FAM120B: variants seen among roughly 807,000 people sequenced by gnomAD.
FAM120B encodes the protein constitutive coactivator of peroxisome proliferator-activated receptor gamma.
In FAM120B, 83 loss-of-function variants were observed where a neutral mutation model predicts 96.3. The ratio of observed to expected loss-of-function variants is 0.86; its 90% CI spans 0.72 to 1.03. The LOEUF (loss-of-function observed/expected upper bound fraction) is 1.03, where lower values mean the gene tolerates loss of function less well. Ranked by LOEUF, FAM120B falls within the 50% of genes least tolerant of loss-of-function variation. The pLI is 0.00. For missense variants in FAM120B, 1,027 were observed against 1,121.2 expected (o/e 0.92, Z 1.20); for synonymous variants, 407 against 402.7 (o/e 1.01, Z -0.13).
chr6:170,334,885 T>C (rs1455557879), intron 4 of FAM120B, among the ~76,000 whole-genome samples: 1 of 152,176 alleles, frequency 6.6e-6, no homozygotes, highest in Non-Finnish European at 1.5e-5. Context: ...AGAAAACTTA[T>C]CCATGTAAGT....
chr6:170,331,091 G>GA (rs1014190342), intron 4 of FAM120B, among the ~76,000 whole-genome samples: 2 of 152,164 alleles, frequency 1.3e-5, no homozygotes, highest in African/African-American at 4.8e-5. Flanking sequence ...GAGAGGTAAG[G>GA]AAAAACAAAG....
At chr6:170,302,905 A>G (rs1425453719), upstream of FAM120B, among the ~76,000 whole-genome samples, 1 of 152,188 alleles carries the variant, frequency 6.6e-6, no homozygotes, top group Non-Finnish European at 1.5e-5. Flanking sequence ...GTAGTCTCCC[A>G]GGAAAGAGAC....
intron 8 of FAM120B, 180 bp downstream of exon 8, chr6:170,391,301 G>A (rs1337269942): frequency 3.8e-5 from 21 of 546,720 alleles, no homozygotes; most frequent in South Asian, 9.9e-5. Context: ...TTGGGAGGCC[G>A]AGGCAGGCAG....
chr6:170,387,491 C>T lies in FAM120B; in HGVS notation c.2284-796C>T, dbSNP rs12198099. 5.0e-3 allele frequency among the ~76,000 whole-genome samples: 766 copies of T among 151,942 alleles called. 3 individuals carry two copies. Among genetic ancestry groups the T allele is most frequent in the Non-Finnish European group, 8.2e-3 (559 of 68,022 alleles). On this transcript the variant is annotated intron_variant, in intron 6 of 10. Transcript: ENST00000476287. ...ACTCGCTAGATATCGGTATCACTTT[C>T]CATGGGGCCAGTGTCAGCCAGGAGG...
At chr6:170,369,050 A>G (rs915412175) in intron 6 of FAM120B, among the ~76,000 whole-genome samples, 1 of 151,980 alleles carries the variant, frequency 6.6e-6, no homozygotes, top group African/African-American at 2.4e-5. Flanking sequence ...TGCCCGTAGC[A>G]GTAGAAATAG....
chr6:170,354,719 C>T (rs1787786967), intron 5 of FAM120B, among the ~76,000 whole-genome samples: 1 of 151,144 alleles, frequency 6.6e-6, no homozygotes, highest in Non-Finnish European at 1.5e-5. Flanking sequence ...GTCAGGAGAT[C>T]AAGACCATCC....
intron 6 of FAM120B, among the ~76,000 whole-genome samples, chr6:170,383,960 C>T (rs912504604): frequency 2.4e-4 from 36 of 152,262 alleles, no homozygotes; most frequent in African/African-American, 7.0e-4. Context: ...GAGTGGCTGG[C>T]GCTTGGTGAG....
At position 170,358,234 on chromosome 6, in the gene FAM120B, G is replaced by A. The variant is rs150094606; in HGVS notation, c.2199G>A (p.Thr733=). ...LLIYLFVQVD[T]LCLEDLHAFI... ...TTCTCTGTCCTTTTCAGGTGGACACGCTTTGCCTGGAGGATTTGCATGCGT... is the reference window on the plus strand; with the variant it reads ...TTCTCTGTCCTTTTCAGGTGGACACACTTTGCCTGGAGGATTTGCATGCGT... The change falls in exon 6 of 11, where the codon ACG becomes ACA. Residue 733 remains threonine, a synonymous_variant. Transcript: ENST00000476287. The A allele has an allele frequency of 1.4e-5, 23 of 1,602,038 alleles. No homozygotes were observed. Among genetic ancestry groups the A allele is most frequent in the East Asian group, 1.3e-4 (6 of 44,728 alleles).
At chr6:170,382,786 C>T (rs570178269) in intron 6 of FAM120B, among the ~76,000 whole-genome samples, 391 of 151,912 alleles carry the variant, frequency 2.6e-3, no homozygotes, top group Non-Finnish European at 4.3e-3. Context: ...TTTGTAGATG[C>T]GCAAGATTAT....
chr6:170,404,633 T>C (rs1044621086), intron 10 of FAM120B, 32 bp downstream of exon 10: 29 of 1,495,616 alleles, frequency 1.9e-5, no homozygotes, highest in Non-Finnish European at 2.5e-5. Flanking sequence ...CCAGAAGAAA[T>C]CAGTCACATG....
At chr6:170,399,373 T>C (rs1474636208) in intron 9 of FAM120B, among the ~76,000 whole-genome samples, 1 of 149,332 alleles carries the variant, frequency 6.7e-6, no homozygotes, top group Admixed American at 6.6e-5. Flanking sequence ...GTGGGGAAGG[T>C]AGAACTATGT....
At chr6:170,291,173 C>A (rs1783860369), upstream of FAM120B, 1 of 654,178 alleles carries the variant, frequency 1.5e-6, no homozygotes. Flanking sequence ...CTTCCTCCCT[C>A]ACCACACAAA....
intron 1 of FAM120B, among the ~76,000 whole-genome samples, chr6:170,314,671 A>C (rs1784787367): frequency 6.6e-6 from 1 of 152,242 alleles, no homozygotes; most frequent in South Asian, 2.1e-4. Context: ...TAGCAATGAA[A>C]GGCTTAAAAA....
intron 5 of FAM120B, 98 bp from the exon 6 acceptor site, chr6:170,358,128 G>C (rs551778807): frequency 4.0e-6 from 4 of 1,010,992 alleles, no homozygotes; most frequent in East Asian, 5.3e-5. Context: ...GCATGTTTGC[G>C]CCTATACACA....
chr6:170,381,353 A>G (rs1044017109), intron 6 of FAM120B, among the ~76,000 whole-genome samples: 1 of 152,218 alleles, frequency 6.6e-6, no homozygotes, highest in African/African-American at 2.4e-5. Context: ...AGGTTCTTTA[A>G]AGAACTTCAT....
intron 6 of FAM120B, among the ~76,000 whole-genome samples, chr6:170,378,358 G>A (rs1050768034): frequency 3.3e-4 from 50 of 152,266 alleles, no homozygotes; most frequent in Non-Finnish European, 6.2e-4. Context: ...GGCTTGACCT[G>A]TGGACACCTG....
chr6:170,320,276 G>C lies in FAM120B; in HGVS notation c.1734+1152G>C, dbSNP rs562810076. 3.9e-5 allele frequency among the ~76,000 whole-genome samples: 6 copies of C among 152,312 alleles called. No individual in the cohort carries two copies. The South Asian group carries it at 1.2e-3, about 32-fold the overall frequency. On this transcript the variant is annotated intron_variant, in intron 2 of 10. Coordinates refer to ENST00000476287, the MANE Select transcript of FAM120B (RefSeq NM_032448.3). Reference sequence around the variant, plus strand: ...AGGCCCGGACAGCAGCTGAGCAGCTGTGTGGTGATACCTGGAGGGCAGCCA... The same window carrying C: ...AGGCCCGGACAGCAGCTGAGCAGCTCTGTGGTGATACCTGGAGGGCAGCCA...
At chr6:170,353,208 C>T (rs367864871) in intron 5 of FAM120B, among the ~76,000 whole-genome samples, 46 of 152,118 alleles carry the variant, frequency 3.0e-4, no homozygotes, top group African/African-American at 8.9e-4. Context: ...CCAATTGAAT[C>T]CCTGAGTAGA....
At chr6:170,362,916 C>T (rs1342495353) in intron 6 of FAM120B, among the ~76,000 whole-genome samples, 1 of 151,930 alleles carries the variant, frequency 6.6e-6, no homozygotes, top group Non-Finnish European at 1.5e-5. Flanking sequence ...AACTCCTGAG[C>T]TCAAGCAATC....
Sources: gnomAD v4.1 joint callset for allele counts (sites outside exome capture counted in the v4.1 genomes callset) on GRCh38, gnomAD v4.1.1 for gene constraint, MANE v1.5 for transcripts, NCBI Gene and HGNC (gene_info 2026-07-23, HGNC 2026-07-21) for gene names.